Variants in ZPLD1 observed in about 807,000 individuals in gnomAD.
ZPLD1 encodes zona pellucida-like domain-containing protein 1.
In ZPLD1, 34 loss-of-function variants were observed where a neutral mutation model predicts 47.2. The observed-to-expected ratio is 0.72, with a 90% CI of 0.55 to 0.96. The LOEUF (loss-of-function observed/expected upper bound fraction) is 0.96, where lower values mean the gene tolerates loss of function less well. Among genes scored for constraint, ZPLD1 ranks in the 40% least tolerant of loss-of-function variants. The pLI is 0.00. For synonymous variants in ZPLD1, 176 were observed against 186.2 expected, an observed-to-expected ratio of 0.95 and a Z score of 0.45; for missense variants, 512 against 505.8, an observed-to-expected ratio of 1.01 and a Z score of -0.12.
intron 7 of ZPLD1, among the ~76,000 whole-genome samples, chr3:102,400,245 C>T (rs547834739): frequency 2.6e-5 from 4 of 152,164 alleles, no homozygotes; most frequent in Admixed American, 2.6e-4. Flanking sequence ...CTTAGAAATC[C>T]TTGAGGAGTA....
chr3:102,424,995 G>GT (rs5851307), intron 8 of ZPLD1, among the ~76,000 whole-genome samples: 10,032 of 145,898 alleles, frequency 0.069, 960 homozygotes, highest in African/African-American at 0.21. Flanking sequence ...AATAGCTGGG[G>GT]TTTTTTTTTT....
chr3:102,462,180 T>A, intron 6 of ZPLD1, 101 bp from the exon 7 acceptor site: 1 of 689,774 alleles, frequency 1.4e-6, no homozygotes, highest in South Asian at 2.3e-5. Context: ...AGGTTTATGT[T>A]GATTTACTTT....
chr3:102,422,910 G>C (rs1706897630), intron 8 of ZPLD1, among the ~76,000 whole-genome samples: 3 of 152,010 alleles, frequency 2.0e-5, no homozygotes, highest in Admixed American at 1.3e-4. Flanking sequence ...GACATGACAT[G>C]ATCAGGCAGT....
At chr3:102,433,572 G>C (rs2107316303), upstream of ZPLD1, among the ~76,000 whole-genome samples, 1 of 152,320 alleles carries the variant, frequency 6.6e-6, no homozygotes, top group East Asian at 1.9e-4. Context: ...CTGTCACCCA[G>C]GCTGGAGTGC....
At chr3:102,433,239 T>C (rs1707038427), upstream of ZPLD1, among the ~76,000 whole-genome samples, 1 of 152,220 alleles carries the variant, frequency 6.6e-6, no homozygotes. Flanking sequence ...TGATTTAGCA[T>C]TATATGCATC....
At chr3:102,464,397 A>G (rs1471002182) in intron 8 of ZPLD1, 146 bp downstream of exon 8, 4 of 560,602 alleles carry the variant, frequency 7.1e-6, no homozygotes, top group Admixed American at 6.9e-5. Context: ...GAGTCCTTAT[A>G]AAGCTGAAAG....
At chr3:102,421,261 CTT>C (rs1374716261) in intron 8 of ZPLD1, among the ~76,000 whole-genome samples, 1 of 151,688 alleles carries the variant, frequency 6.6e-6, no homozygotes, top group Non-Finnish European at 1.5e-5. Flanking sequence ...GAATATAAAT[CTT>C]GTTTATATTA....
chr3:102,433,433 A>G (rs188779347), upstream of ZPLD1, among the ~76,000 whole-genome samples: 2 of 152,236 alleles, frequency 1.3e-5, no homozygotes, highest in Non-Finnish European at 2.9e-5. Flanking sequence ...CATAGTTAGA[A>G]AACACATATA....
chr3:102,477,435 A>C lies in ZPLD1; in HGVS notation c.1073-8A>C. On this transcript the variant is annotated splice_polypyrimidine_tract_variant and splice_region_variant and intron_variant, in intron 11 of 11. Transcript: ENST00000466937. ...CCTTTACAACCGGGTGTGTTTTATT[A>C]TTTGCAGGTTCTCCAAGTATGCCTC... 6.2e-7 allele frequency: 1 copy of C among 1,609,496 alleles called. No homozygotes were observed. Among genetic ancestry groups the C allele is most frequent in the Non-Finnish European group, 8.5e-7 (1 of 1,178,314 alleles).
chr3:102,413,973 A>T (rs1363819917), intron 7 of ZPLD1, among the ~76,000 whole-genome samples: 1 of 151,794 alleles, frequency 6.6e-6, no homozygotes, highest in Non-Finnish European at 1.5e-5. Flanking sequence ...GATGTCAGTA[A>T]TCTTCTGGAA....
At chr3:102,414,010 A>G (rs1355691938) in intron 7 of ZPLD1, among the ~76,000 whole-genome samples, 1 of 151,624 alleles carries the variant, frequency 6.6e-6, no homozygotes, top group East Asian at 1.9e-4. Context: ...TGCTGCCTTG[A>G]GGAGAGGAGG....
At chr3:102,461,518 A>C (rs926783544) in intron 6 of ZPLD1, among the ~76,000 whole-genome samples, 3 of 152,038 alleles carry the variant, frequency 2.0e-5, no homozygotes, top group African/African-American at 7.2e-5. Flanking sequence ...AGTGACCTCT[A>C]AAGAATTTGT....
At chr3:102,404,719 C>T (rs574018599) in intron 7 of ZPLD1, among the ~76,000 whole-genome samples, 6 of 151,972 alleles carry the variant, frequency 3.9e-5, no homozygotes, top group Non-Finnish European at 5.9e-5. Context: ...ATTAACTCTT[C>T]GGCTATCTCT....
At chr3:102,470,900 TCCAGGGTAGCTGAGATTACAGGCG>T (rs1707674268) in intron 10 of ZPLD1, among the ~76,000 whole-genome samples, 2 of 152,000 alleles carry the variant, frequency 1.3e-5, no homozygotes, top group African/African-American at 4.8e-5. Context: ...TGCCTCAGCC[TCCAGGGTAGCTGAGATTACAGGCG>T]CCTGCCACCA....
intron 8 of ZPLD1, among the ~76,000 whole-genome samples, chr3:102,427,951 A>G (rs1358365421): frequency 2.6e-5 from 4 of 152,190 alleles, no homozygotes; most frequent in Non-Finnish European, 5.9e-5. Flanking sequence ...TGTAAGTTTT[A>G]CTGTTTTTAA....
At chr3:102,386,332 C>G (rs1000281553) in intron 6 of ZPLD1, among the ~76,000 whole-genome samples, 1 of 149,320 alleles carries the variant, frequency 6.7e-6, no homozygotes, top group African/African-American at 2.5e-5. Flanking sequence ...TGTTGTGTAG[C>G]CATGTTTGAG....
intron 10 of ZPLD1, among the ~76,000 whole-genome samples, chr3:102,470,828 G>T (rs201960060): frequency 6.6e-6 from 1 of 151,900 alleles, no homozygotes; most frequent in Non-Finnish European, 1.5e-5. Flanking sequence ...GTCCAGGCTG[G>T]GGTGCAGTGG....
At chr3:102,425,336 G>A (rs1202752224) in intron 8 of ZPLD1, among the ~76,000 whole-genome samples, 3 of 152,030 alleles carry the variant, frequency 2.0e-5, no homozygotes, top group Admixed American at 6.6e-5. Flanking sequence ...AAAATACTAT[G>A]AAATGTATTA....
chr3:102,449,450 TGGAAAA>T lies in ZPLD1; in HGVS notation c.107-3468_107-3463del, dbSNP rs1286279521. On this transcript the variant is annotated intron_variant, in intron 3 of 11. Coordinates refer to ENST00000466937, the MANE Select transcript of ZPLD1 (RefSeq NM_001329788.2). Reference sequence around the variant, plus strand: ...TCAACTGTGTTCAGAAAATACTAAGTGGAAAATTCCATATATAAACAATTCACACAT... The same window carrying T: ...TCAACTGTGTTCAGAAAATACTAAGTTTCCATATATAAACAATTCACACAT... Among the ~76,000 whole-genome samples the T allele has an allele frequency of 9.5e-3, 1,454 of 152,328 alleles. 21 individuals are homozygous for T. The highest frequency in any genetic ancestry group is 0.033 in the African/African-American group (1,367 of 41,558).
Sources: allele counts gnomAD v4.1 joint callset (sites outside exome capture counted in the v4.1 genomes callset), GRCh38; gene constraint gnomAD v4.1.1; transcripts MANE v1.5; gene names NCBI Gene and HGNC (gene_info 2026-07-23, HGNC 2026-07-21).